RAD54B: variants seen among roughly 807,000 people sequenced by gnomAD.
RAD54B encodes DNA repair and recombination protein RAD54B.
A neutral mutation model predicts 95.8 loss-of-function variants in RAD54B; 78 were observed. The observed-to-expected ratio is 0.81, with a 90% CI of 0.68 to 0.98. RAD54B has a LOEUF of 0.98. Ranked by LOEUF, RAD54B falls within the 50% of genes least tolerant of loss-of-function variation. The probability of loss-of-function intolerance (pLI) is 0.00; values close to 1 mark genes in which losing one functional copy is unlikely to be tolerated. For missense variants in RAD54B, 957 were observed against 1,056.6 expected (o/e 0.91, Z 1.31); for synonymous variants, 328 against 354.9 (o/e 0.92, Z 0.85).
At chr8:94,431,015 A>G in intron 3 of RAD54B, 1 of 985,242 alleles carries the variant, frequency 1.0e-6, no homozygotes, top group Non-Finnish European at 1.2e-6. Flanking sequence ...GGTCCCCTTC[A>G]CTGCTGAAAT....
At chr8:94,474,544 G>A (rs1269928665) in intron 1 of RAD54B, among the ~76,000 whole-genome samples, 1 of 152,076 alleles carries the variant, frequency 6.6e-6, no homozygotes, top group East Asian at 1.9e-4. Context: ...AGGTTTTAAG[G>A]AAATACAAGA....
chr8:94,399,324 C>A, intron 8 of RAD54B, 90 bp downstream of exon 8: 1 of 987,192 alleles, frequency 1.0e-6, no homozygotes. Flanking sequence ...TCCAACACCA[C>A]CAGTTATTTG....
chr8:94,428,639 ATTG>A (rs1812003641), intron 3 of RAD54B: 1 of 706,406 alleles, frequency 1.4e-6, no homozygotes, highest in African/African-American at 1.9e-5. Context: ...ATTACTTTTT[ATTG>A]TTGTACTGTT....
intron 3 of RAD54B, among the ~76,000 whole-genome samples, chr8:94,422,651 T>TATAA (rs1563650834): frequency 1.1e-5 from 1 of 88,906 alleles, no homozygotes; most frequent in Non-Finnish European, 2.2e-5. Flanking sequence ...TATATATATA[T>TATAA]ATAAAATTAT....
At chr8:94,446,532 A>C (rs1013217973) in intron 3 of RAD54B, among the ~76,000 whole-genome samples, 1 of 152,164 alleles carries the variant, frequency 6.6e-6, no homozygotes, top group Admixed American at 6.5e-5. Context: ...CACTTGGTGT[A>C]CTCTTTGTGG....
chr8:94,432,824 T>C (rs185859044), intron 3 of RAD54B, among the ~76,000 whole-genome samples: 2 of 152,136 alleles, frequency 1.3e-5, no homozygotes, highest in Admixed American at 1.3e-4. Flanking sequence ...GTGACTAAGA[T>C]TGGGATTTCA....
chr8:94,396,477 A>C (rs1420625764), intron 8 of RAD54B, among the ~76,000 whole-genome samples: 1 of 151,914 alleles, frequency 6.6e-6, no homozygotes, highest in Non-Finnish European at 1.5e-5. Flanking sequence ...TCAATAACCT[A>C]CACCTATATC....
intron 1 of RAD54B, among the ~76,000 whole-genome samples, chr8:94,472,856 C>T (rs771558730): frequency 6.6e-6 from 1 of 152,170 alleles, no homozygotes; most frequent in Non-Finnish European, 1.5e-5. Context: ...ACATCTAATA[C>T]ATGATTTCTG....
chr8:94,373,204 A>G (rs962916255), intron 14 of RAD54B: 1 of 152,226 alleles, frequency 6.6e-6, no homozygotes, highest in Non-Finnish European at 1.5e-5. Flanking sequence ...GAGCCTATGC[A>G]ATTAAAGCCT....
At chr8:94,458,971 A>C (rs1020480598) in intron 2 of RAD54B, among the ~76,000 whole-genome samples, 3 of 152,194 alleles carry the variant, frequency 2.0e-5, no homozygotes, top group African/African-American at 7.2e-5. Context: ...AGAATGAAAA[A>C]TTATGCTTAT....
chr8:94,394,714 G>A (rs887938632), intron 8 of RAD54B, among the ~76,000 whole-genome samples: 1 of 152,006 alleles, frequency 6.6e-6, no homozygotes, highest in Non-Finnish European at 1.5e-5. Flanking sequence ...AGTGCCAAAA[G>A]AACATATAAA....
intron 4 of RAD54B, among the ~76,000 whole-genome samples, chr8:94,410,522 C>T (rs891736275): frequency 1.3e-5 from 2 of 152,126 alleles, no homozygotes; most frequent in Non-Finnish European, 2.9e-5. Context: ...ATAGGTCACA[C>T]TCAAAATTGA....
intron 5 of RAD54B, among the ~76,000 whole-genome samples, chr8:94,405,862 T>A (rs554874834): frequency 5.3e-5 from 8 of 152,186 alleles, no homozygotes; most frequent in African/African-American, 1.9e-4. Flanking sequence ...TTAAGATGTT[T>A]CTTTATCTTC....
chr8:94,388,159 T>TCAACTAC (rs1810935797), intron 10 of RAD54B, among the ~76,000 whole-genome samples: 1 of 152,170 alleles, frequency 6.6e-6, no homozygotes, highest in South Asian at 2.1e-4. Flanking sequence ...CACATGGGTT[T>TCAACTAC]GAACTACGCA....
At chr8:94,385,349 G>GA (rs33952323) in intron 11 of RAD54B, among the ~76,000 whole-genome samples, 8 of 146,388 alleles carry the variant, frequency 5.5e-5, no homozygotes, top group African/African-American at 1.0e-4. Context: ...ACCCTTCAGA[G>GA]AAAAAAAAAA....
In RAD54B at chr8:94,407,408, CAG is replaced by C. The variant is rs770406953; in HGVS notation, c.781+29_781+30del. 7 of 1,553,480 alleles carry C rather than the reference CAG, an allele frequency of 4.5e-6. No homozygotes were observed. In the Admixed American group the frequency reaches 1.4e-4, roughly 31 times the overall value. On this transcript the variant is annotated intron_variant, in intron 5 of 14. Coordinates refer to ENST00000336148, the MANE Select transcript of RAD54B (RefSeq NM_012415.3). ...ACAAAAAACATTTTGACAGTAAAAA[CAG>C]AAAATTCAAATTATTTTTAAAATCT...
chr8:94,436,921 C>T, intron 3 of RAD54B: 1 of 1,460,286 alleles, frequency 6.8e-7, no homozygotes, highest in Non-Finnish European at 9.0e-7. Context: ...CAGCCTTCAG[C>T]TCTGCTCAGC....
Position 94,380,394 on chromosome 8 carries a change from T to C in RAD54B, c.1998A>G (p.Val666=). The part of the protein sequence containing the change: ...ELRPTEKVVL[V]SNYTQTLNIL... ...TGTTCAAGGTTTGTGTATAGTTGGATACCAACACCACCCTGTCAATCAAAA... is the reference window on the plus strand; with the variant it reads ...TGTTCAAGGTTTGTGTATAGTTGGACACCAACACCACCCTGTCAATCAAAA... The change falls in exon 12 of 15, where the codon GTA becomes GTG. Residue 666 remains valine (V), a synonymous_variant. Transcript: ENST00000336148. 6.2e-7 allele frequency: 1 copy of C among 1,602,716 alleles called. No homozygotes were observed. Among genetic ancestry groups the C allele is most frequent in the South Asian group, 1.1e-5 (1 of 89,558 alleles).
chr8:94,391,022 T>G (rs1469942595), intron 10 of RAD54B, among the ~76,000 whole-genome samples: 1 of 152,130 alleles, frequency 6.6e-6, no homozygotes, highest in East Asian at 1.9e-4. Context: ...TCAAAAAGTT[T>G]TGAATTTTGG....
Sources: gnomAD v4.1 joint callset for allele counts (sites outside exome capture counted in the v4.1 genomes callset) on GRCh38, gnomAD v4.1.1 for gene constraint, MANE v1.5 for transcripts, NCBI Gene and HGNC (gene_info 2026-07-23, HGNC 2026-07-21) for gene names.